The following LRRC9 variants were observed in gnomAD, a reference collection of about 807,000 sequenced individuals.
LRRC9 encodes leucine rich repeat containing 9, also known as leucine-rich repeat-containing protein 9.
LRRC9 carries 122 observed loss-of-function variants against 63.2 expected under a neutral mutation model. The ratio of observed to expected loss-of-function variants is 1.93; its 90% CI spans 1.67 to 2.24. The LOEUF is 2.24. Ranked by LOEUF, LRRC9 falls within the 30% of genes most tolerant of loss-of-function variation. The probability of loss-of-function intolerance (pLI) is 0.00; values close to 1 mark genes in which losing one functional copy is unlikely to be tolerated. For synonymous variants in LRRC9, 366 were observed against 213.1 expected (o/e 1.72, Z -6.25); for missense variants, 1,071 against 627.7 (o/e 1.71, Z -7.55).
chr14:59,956,402 G>T (rs907192503), intron 8 of LRRC9, among the ~76,000 whole-genome samples: 1 of 152,036 alleles, frequency 6.6e-6, no homozygotes, highest in African/African-American at 2.4e-5. Flanking sequence ...ACCCTTCTTT[G>T]TCTTTTTTGA....
chr14:60,058,056 A>G lies in LRRC9; in HGVS notation c.4276+34A>G. ...ACAATTTCAGATAGAATGTAAAAGA[A>G]TCACTTAATTTGAAATAAAAATATC... On this transcript the variant is annotated intron_variant, in intron 31 of 31. Coordinates refer to ENST00000445360, the Ensembl canonical transcript of LRRC9. The surrounding 1 kb of genome is among the most constrained non-coding windows in gnomAD (Gnocchi z 4.4). The G allele has an allele frequency of 1.9e-6, 1 of 529,224 alleles. No homozygotes were observed. The highest frequency in any genetic ancestry group is 1.9e-5 in the African/African-American group (1 of 54,032). 32.8% of individuals were successfully genotyped at this position (529,224 alleles called of 1,614,324 possible).
At chr14:60,001,521 T>A (rs1357439615) in intron 19 of LRRC9, among the ~76,000 whole-genome samples, 1 of 152,104 alleles carries the variant, frequency 6.6e-6, no homozygotes, top group African/African-American at 2.4e-5. Flanking sequence ...TGTGCAAAAC[T>A]AAATGATATA....
chr14:59,934,409 A>G (rs1889962162), intron 6 of LRRC9, among the ~76,000 whole-genome samples: 1 of 152,212 alleles, frequency 6.6e-6, no homozygotes, highest in South Asian at 2.1e-4. Context: ...ATCCAGGTAA[A>G]GATCTGTACA....
At position 59,930,440 on chromosome 14, in the gene LRRC9, A is replaced by G. The variant is rs1248701607; in HGVS notation, c.268-478A>G. On this transcript the variant is annotated intron_variant, in intron 3 of 31. Transcript: ENST00000445360. The surrounding 1 kb of genome is among the most constrained non-coding windows in gnomAD (Gnocchi z 4.9). ...ACATAAATATGCCATACATCAGGTA[A>G]TTTTTCAGAAAATTATTATAAACTT... Among the ~76,000 whole-genome samples the G allele has an allele frequency of 6.6e-6, 1 of 151,958 alleles. No homozygotes were observed. The highest frequency in any genetic ancestry group is 1.5e-5 in the Non-Finnish European group (1 of 67,922).
chr14:60,048,127 G>C (rs1318171559), intron 29 of LRRC9, among the ~76,000 whole-genome samples: 3 of 152,134 alleles, frequency 2.0e-5, no homozygotes, highest in African/African-American at 7.2e-5. Context: ...CAGAATCTCT[G>C]AGGGCAGATA....
chr14:59,995,131 A>G lies in LRRC9; in HGVS notation c.2212-2525A>G, dbSNP rs145479562. Among the ~76,000 whole-genome samples the G allele has an allele frequency of 5.9e-3, 899 of 152,358 alleles. 9 individuals are homozygous for G. Among genetic ancestry groups the G allele is most frequent in the Non-Finnish European group, 7.0e-3 (476 of 68,042 alleles). The stretch of plus-strand genomic sequence containing the variant: ...GTGGAAGGACTGGGATTCATAAGTC[A>G]TAGAAAATAAATACATCATATAGTT... On this transcript the variant is annotated intron_variant, in intron 17 of 31. Coordinates refer to ENST00000445360, the Ensembl canonical transcript of LRRC9.
intron 17 of LRRC9, among the ~76,000 whole-genome samples, chr14:59,993,219 T>C (rs1888357735): frequency 6.6e-6 from 1 of 152,104 alleles, no homozygotes; most frequent in Admixed American, 6.5e-5. Flanking sequence ...CTAAGCTTCA[T>C]AAGTGAAGGA....
At chr14:60,035,285 C>A (rs755210387) in intron 29 of LRRC9, among the ~76,000 whole-genome samples, 1 of 152,200 alleles carries the variant, frequency 6.6e-6, no homozygotes, top group East Asian at 1.9e-4. Flanking sequence ...AATATTTTCT[C>A]CCATTCTGTG....
chr14:59,965,920 A>AAAAAAAAAAATG (rs1274886982), intron 10 of LRRC9, among the ~76,000 whole-genome samples: 6 of 136,382 alleles, frequency 4.4e-5, no homozygotes, highest in Admixed American at 1.5e-4. Context: ...AAAAAAAAAA[A>AAAAAAAAAAATG]GATACTGGTG....
chr14:59,934,600 G>C (rs948934300), intron 6 of LRRC9, among the ~76,000 whole-genome samples: 1 of 152,172 alleles, frequency 6.6e-6, no homozygotes, highest in Non-Finnish European at 1.5e-5. Flanking sequence ...GACACTGAGA[G>C]GATGGTAACA....
At chr14:59,944,498 A>G (rs1415104191) in intron 7 of LRRC9, 91 bp from the exon 8 acceptor site, 2 of 450,626 alleles carry the variant, frequency 4.4e-6, no homozygotes, top group East Asian at 6.8e-5. Context: ...CTAAATTGTT[A>G]TATAGAACAT....
chr14:60,054,015 T>C (rs561762767), intron 30 of LRRC9: 5 of 416,162 alleles, frequency 1.2e-5, no homozygotes, highest in African/African-American at 8.4e-5. Flanking sequence ...AAATGAATCT[T>C]TGATGTAAGT....
intron 23 of LRRC9, among the ~76,000 whole-genome samples, chr14:60,015,580 T>C (rs954647596): frequency 1.3e-5 from 2 of 152,138 alleles, no homozygotes; most frequent in African/African-American, 4.8e-5. Flanking sequence ...CAGGCCTCCA[T>C]TGATTTACTC....
At chr14:59,976,034 G>A (rs1279737190) in intron 13 of LRRC9, among the ~76,000 whole-genome samples, 3 of 152,164 alleles carry the variant, frequency 2.0e-5, no homozygotes, top group African/African-American at 7.2e-5. Context: ...ATTCTTATAG[G>A]GGCGCGAACC....
chr14:60,004,772 T>C lies in LRRC9; in HGVS notation c.2842+974T>C, dbSNP rs1364699484. ...CCATGACTTGCTACCAACTTTCTCT[T>C]ATTCTCCCTCTCCATCTACTCAAAA... On this transcript the variant is annotated intron_variant, in intron 21 of 31. Coordinates refer to ENST00000445360, the Ensembl canonical transcript of LRRC9. The surrounding 1 kb of genome is among the most constrained non-coding windows in gnomAD (Gnocchi z 4.8). 2.0e-5 allele frequency among the ~76,000 whole-genome samples: 3 copies of C among 152,076 alleles called. No homozygotes were observed. The highest frequency in any genetic ancestry group is 1.9e-4 in the East Asian group (1 of 5,192).
chr14:60,008,351 A>AAAAAACT, intron 23 of LRRC9, 137 bp downstream of exon 23: 1 of 486,898 alleles, frequency 2.1e-6, no homozygotes, highest in Non-Finnish European at 3.6e-6. Flanking sequence ...AGGTCTCCAA[A>AAAAAACT]GCTTATTTTA....
exon 29 of LRRC9, chr14:60,032,027 C>T (rs1447805473): frequency 1.4e-6 from 1 of 700,956 alleles, no homozygotes; most frequent in Non-Finnish European, 2.6e-6. Context: ...TTGACGTTAT[C>T]TCTACTCTCA....
At position 59,920,237 on chromosome 14, in the gene LRRC9, C is replaced by G. The variant is rs1888655635; in HGVS notation, c.-34+354C>G. 1 of 152,308 alleles carries G rather than the reference C, an allele frequency of 6.6e-6. No individual in the cohort carries two copies. The highest frequency in any genetic ancestry group is 2.4e-5 in the African/African-American group (1 of 41,456). The allele number at this position is 152,308 out of a possible 1,614,324, so 9.4% of individuals were successfully genotyped here. Reference sequence around the variant, plus strand: ...AATCGGAGTGGACTCGGACTTGAATCGGATTGCCCCGGAATCCACCCTCTC... The same window carrying G: ...AATCGGAGTGGACTCGGACTTGAATGGGATTGCCCCGGAATCCACCCTCTC... On this transcript the variant is annotated intron_variant, in intron 1 of 31. The change creates a new upstream start codon in the 5' untranslated region. Transcript: ENST00000445360.
chr14:59,954,857 G>T (rs766447001), intron 8 of LRRC9, among the ~76,000 whole-genome samples: 1 of 152,124 alleles, frequency 6.6e-6, no homozygotes, highest in Non-Finnish European at 1.5e-5. Context: ...TAACATGAAG[G>T]GCTGTTGAAT....
Sources: allele counts gnomAD v4.1 joint callset (sites outside exome capture counted in the v4.1 genomes callset), GRCh38; gene constraint gnomAD v4.1.1; non-coding constraint Gnocchi (gnomAD v3.1); transcripts MANE v1.5; gene names NCBI Gene and HGNC (gene_info 2026-07-23, HGNC 2026-07-21).